Variants in MAPK10 observed in about 807,000 individuals in gnomAD.
MAPK10 encodes the protein JNK3 alpha protein kinase.
Under a neutral mutation model 59.3 loss-of-function variants are expected in MAPK10, and 25 were observed. The ratio of observed to expected loss-of-function variants is 0.42; its 90% CI spans 0.31 to 0.59. MAPK10 has a LOEUF of 0.59. Ranked by LOEUF, MAPK10 falls within the 20% of genes least tolerant of loss-of-function variation. The pLI, the probability that MAPK10 is intolerant of heterozygous loss-of-function variation, is 0.15. For missense variants in MAPK10, 351 were observed against 568.9 expected, an observed-to-expected ratio of 0.62 and a Z score of 3.90; for synonymous variants, 190 against 200.5, an observed-to-expected ratio of 0.95 and a Z score of 0.44.
At chr4:86,502,856 C>T (rs1264474033) in intron 1 of MAPK10, among the ~76,000 whole-genome samples, 2 of 152,096 alleles carry the variant, frequency 1.3e-5, no homozygotes, top group Non-Finnish European at 2.9e-5. Flanking sequence ...TTACCACCAA[C>T]ACCTCAAACT....
intron 2 of MAPK10, among the ~76,000 whole-genome samples, chr4:86,296,068 C>T (rs961176483): frequency 3.3e-5 from 5 of 150,124 alleles, no homozygotes; most frequent in African/African-American, 7.4e-5. Flanking sequence ...CCCAGCTACT[C>T]GGGAGGCTGA....
At chr4:86,102,302 C>A in intron 6 of MAPK10, 1 of 338,620 alleles carries the variant, frequency 3.0e-6, no homozygotes, top group Admixed American at 4.3e-5. Flanking sequence ...CCCTGTATTC[C>A]CTCAACTCTT....
intron 2 of MAPK10, among the ~76,000 whole-genome samples, chr4:86,294,488 A>G (rs1424725742): frequency 6.6e-6 from 1 of 152,042 alleles, no homozygotes; most frequent in African/African-American, 2.4e-5. Context: ...GTTTCTACCC[A>G]TGAGGGATTA....
At chr4:86,139,896 A>G (rs1455862501) in intron 4 of MAPK10, among the ~76,000 whole-genome samples, 1 of 148,654 alleles carries the variant, frequency 6.7e-6, no homozygotes, top group Admixed American at 6.7e-5. Flanking sequence ...ACTTCTCAAA[A>G]GAAGACATTT....
At chr4:86,548,925 G>A (rs970492596) in intron 1 of MAPK10, among the ~76,000 whole-genome samples, 1 of 152,146 alleles carries the variant, frequency 6.6e-6, no homozygotes, top group Non-Finnish European at 1.5e-5. Context: ...TTGTAACACT[G>A]TAAGGCCCGA....
At chr4:86,373,908 T>C (rs1739333017) in intron 1 of MAPK10, among the ~76,000 whole-genome samples, 1 of 152,156 alleles carries the variant, frequency 6.6e-6, no homozygotes, top group Non-Finnish European at 1.5e-5. Context: ...TTATTGAGTA[T>C]ATACCCAAAG....
chr4:86,384,094 C>T (rs938119700), intron 1 of MAPK10: 4 of 152,140 alleles, frequency 2.6e-5, no homozygotes, highest in African/African-American at 9.7e-5. Context: ...TAAAATCTCT[C>T]CTTACCTTTT....
chr4:86,330,413 T>C (rs1203560604), intron 2 of MAPK10, among the ~76,000 whole-genome samples: 1 of 152,196 alleles, frequency 6.6e-6, no homozygotes, highest in African/African-American at 2.4e-5. Flanking sequence ...ATATGGATGA[T>C]ATGGTTTGTC....
chr4:86,518,148 G>A (rs1017204138), intron 1 of MAPK10, among the ~76,000 whole-genome samples: 2 of 152,080 alleles, frequency 1.3e-5, no homozygotes, highest in East Asian at 1.9e-4. Context: ...TCAGCCAGCC[G>A]AACAGCTGGG....
intron 1 of MAPK10, among the ~76,000 whole-genome samples, chr4:86,366,414 T>C (rs1737907776): frequency 6.6e-6 from 1 of 152,172 alleles, no homozygotes; most frequent in Non-Finnish European, 1.5e-5. Context: ...TAAACTGCCA[T>C]AAAAAATGTT....
chr4:86,349,901 G>A (rs1220384073), intron 2 of MAPK10, among the ~76,000 whole-genome samples: 1 of 152,148 alleles, frequency 6.6e-6, no homozygotes, highest in Non-Finnish European at 1.5e-5. Context: ...TGTGCAGAGT[G>A]AATACAGGCA....
intron 1 of MAPK10, among the ~76,000 whole-genome samples, chr4:86,428,423 T>C (rs1206983228): frequency 2.6e-5 from 4 of 152,190 alleles, no homozygotes; most frequent in Admixed American, 6.5e-5. Flanking sequence ...CCTCCCAAAC[T>C]GCTGGGATTA....
At chr4:86,101,831 T>C in intron 7 of MAPK10, 63 bp downstream of exon 7, 1 of 1,559,292 alleles carries the variant, frequency 6.4e-7, no homozygotes, top group Middle Eastern at 1.7e-4. Context: ...ATAAAGAAAA[T>C]AATCTACAGT....
At chr4:86,279,054 A>G (rs2094694739) in intron 2 of MAPK10, among the ~76,000 whole-genome samples, 2 of 152,198 alleles carry the variant, frequency 1.3e-5, no homozygotes, top group South Asian at 2.1e-4. Context: ...TTGGCTTTTC[A>G]TGGTTATGTA....
At chr4:86,063,025 G>A (rs2046018374) in intron 11 of MAPK10, among the ~76,000 whole-genome samples, 4 of 152,154 alleles carry the variant, frequency 2.6e-5, no homozygotes, top group Admixed American at 2.6e-4. Flanking sequence ...AAAACTAAGA[G>A]AGCAGATCTT....
intron 2 of MAPK10, chr4:86,336,267 G>A (rs887017960): frequency 1.3e-5 from 2 of 151,876 alleles, no homozygotes; most frequent in African/African-American, 4.8e-5. Flanking sequence ...TGGTGATGTG[G>A]GTATTTTGGG....
intron 1 of MAPK10, among the ~76,000 whole-genome samples, chr4:86,371,488 T>C (rs1322490370): frequency 2.0e-5 from 3 of 152,198 alleles, no homozygotes; most frequent in Non-Finnish European, 4.4e-5. Context: ...GGATCACAAA[T>C]GACCGCCATG....
At chr4:86,168,744 C>A (rs1040851976) in intron 3 of MAPK10, among the ~76,000 whole-genome samples, 1 of 152,082 alleles carries the variant, frequency 6.6e-6, no homozygotes, top group Non-Finnish European at 1.5e-5. Context: ...GATCTGAGAA[C>A]GGGCAGACTG....
intron 11 of MAPK10, among the ~76,000 whole-genome samples, chr4:86,032,929 C>G (rs1198294608): frequency 1.3e-5 from 2 of 152,170 alleles, no homozygotes; most frequent in African/African-American, 4.8e-5. Context: ...TCAGATGTGG[C>G]TGGCTGAGCA....
Sources: gnomAD v4.1 joint callset for allele counts (sites outside exome capture counted in the v4.1 genomes callset) on GRCh38, gnomAD v4.1.1 for gene constraint, MANE v1.5 for transcripts, NCBI Gene and HGNC (gene_info 2026-07-23, HGNC 2026-07-21) for gene names.